PDGFD: variants seen among roughly 807,000 people sequenced by gnomAD.
PDGFD encodes the protein platelet-derived growth factor D.
A neutral mutation model predicts 44.7 loss-of-function variants in PDGFD; 30 were observed. The ratio of observed to expected loss-of-function variants is 0.67; its 90% CI spans 0.50 to 0.91. The LOEUF is 0.91. Among genes scored for constraint, PDGFD ranks in the 40% least tolerant of loss-of-function variants. The pLI is 0.00. For synonymous variants in PDGFD, 173 were observed against 168.4 expected (o/e 1.03, Z -0.21); for missense variants, 445 against 457.8 (o/e 0.97, Z 0.25).
intron 1 of PDGFD, among the ~76,000 whole-genome samples, chr11:104,082,123 C>CATATATATATATATATAT (rs1565329369): frequency 3.1e-5 from 2 of 65,556 alleles, no homozygotes; most frequent in East Asian, 1.2e-3. Flanking sequence ...TGTTGATGTC[C>CATATATATATATATATAT]ATATACATAC....
intron 1 of PDGFD, among the ~76,000 whole-genome samples, chr11:104,033,532 T>C (rs1469229842): frequency 6.6e-6 from 1 of 152,192 alleles, no homozygotes; most frequent in Non-Finnish European, 1.5e-5. Context: ...TTTAAATATG[T>C]TCAGTATGAA....
chr11:104,155,253 A>G (rs574970602), intron 1 of PDGFD, among the ~76,000 whole-genome samples: 1 of 152,352 alleles, frequency 6.6e-6, no homozygotes, highest in East Asian at 1.9e-4. Context: ...AACCTGGTAA[A>G]CCTATCAGAC....
At chr11:104,073,219 C>G (rs1212264791) in intron 1 of PDGFD, among the ~76,000 whole-genome samples, 2 of 152,028 alleles carry the variant, frequency 1.3e-5, no homozygotes, top group African/African-American at 2.4e-5. Flanking sequence ...TTTTCTAGAC[C>G]TATCCTGAGT....
intron 1 of PDGFD, among the ~76,000 whole-genome samples, chr11:104,101,686 G>T (rs1423618933): frequency 1.3e-5 from 2 of 152,016 alleles, no homozygotes; most frequent in Admixed American, 6.6e-5. Flanking sequence ...ATACTACAAG[G>T]CTACAGTAAC....
At chr11:103,928,098 A>G (rs1435917242) in intron 5 of PDGFD, among the ~76,000 whole-genome samples, 4 of 152,382 alleles carry the variant, frequency 2.6e-5, no homozygotes, top group Middle Eastern at 6.8e-3. Flanking sequence ...AAAGCACCAC[A>G]ATATTTTCAA....
chr11:104,114,891 G>A (rs1460171910), intron 1 of PDGFD, among the ~76,000 whole-genome samples: 1 of 145,538 alleles, frequency 6.9e-6, no homozygotes, highest in South Asian at 2.2e-4. Context: ...TTTTTTTTTT[G>A]TTTTTTCAAA....
At chr11:104,154,195 C>T (rs541397028) in intron 1 of PDGFD, among the ~76,000 whole-genome samples, 6 of 152,274 alleles carry the variant, frequency 3.9e-5, no homozygotes, top group African/African-American at 1.4e-4. Flanking sequence ...ACACCATCCC[C>T]CATTACATTC....
intron 3 of PDGFD, among the ~76,000 whole-genome samples, chr11:103,991,870 C>T (rs1246980960): frequency 6.6e-6 from 1 of 152,142 alleles, no homozygotes; most frequent in Non-Finnish European, 1.5e-5. Context: ...TGAAACTGAG[C>T]CATTAGTCAG....
chr11:103,989,451 A>C (rs1327712331), intron 3 of PDGFD, among the ~76,000 whole-genome samples: 1 of 152,166 alleles, frequency 6.6e-6, no homozygotes, highest in East Asian at 1.9e-4. Context: ...TGGTACATAC[A>C]TTTGTCCCTC....
At chr11:104,116,958 T>C (rs1861650318) in intron 1 of PDGFD, among the ~76,000 whole-genome samples, 1 of 152,004 alleles carries the variant, frequency 6.6e-6, no homozygotes. Context: ...TAAGTTCAAT[T>C]AAACCTCTTT....
At chr11:104,047,969 T>A (rs1860470347) in intron 1 of PDGFD, among the ~76,000 whole-genome samples, 1 of 152,146 alleles carries the variant, frequency 6.6e-6, no homozygotes, top group African/African-American at 2.4e-5. Flanking sequence ...TCTTTGATAG[T>A]GATGAAAAAG....
At chr11:103,964,186 T>A (rs1858980000) in intron 3 of PDGFD, among the ~76,000 whole-genome samples, 1 of 152,186 alleles carries the variant, frequency 6.6e-6, no homozygotes, top group Non-Finnish European at 1.5e-5. Flanking sequence ...ATATTGTATG[T>A]ACTATCATTG....
chr11:104,124,284 C>A (rs1302172471), intron 1 of PDGFD, among the ~76,000 whole-genome samples: 1 of 151,952 alleles, frequency 6.6e-6, no homozygotes, highest in African/African-American at 2.4e-5. Context: ...AAAGTCAGAG[C>A]AATTCGTGGG....
At chr11:104,021,195 A>G (rs1274723837) in intron 1 of PDGFD, among the ~76,000 whole-genome samples, 1 of 152,140 alleles carries the variant, frequency 6.6e-6, no homozygotes, top group East Asian at 1.9e-4. Context: ...GAATGGATTG[A>G]TTATCTTCAG....
intron 1 of PDGFD, among the ~76,000 whole-genome samples, chr11:104,143,804 A>C (rs1390729341): frequency 6.6e-6 from 1 of 152,220 alleles, no homozygotes; most frequent in Non-Finnish European, 1.5e-5. Context: ...AAAACCAGGA[A>C]AGGATTTACA....
intron 1 of PDGFD, among the ~76,000 whole-genome samples, chr11:104,006,469 G>T (rs1390367608): frequency 6.6e-6 from 1 of 152,188 alleles, no homozygotes; most frequent in Non-Finnish European, 1.5e-5. Context: ...GAAATACTGG[G>T]TAGAAGAGGG....
intron 3 of PDGFD, among the ~76,000 whole-genome samples, chr11:103,976,805 C>T (rs1859191785): frequency 6.6e-6 from 1 of 152,044 alleles, no homozygotes; most frequent in Non-Finnish European, 1.5e-5. Context: ...TTGAGAAAAT[C>T]ATGTGGTTTT....
chr11:103,991,409 G>A (rs1859450680), intron 3 of PDGFD, among the ~76,000 whole-genome samples: 1 of 151,464 alleles, frequency 6.6e-6, no homozygotes, highest in African/African-American at 2.4e-5. Context: ...CTTCATTTGA[G>A]TTTTATTCCC....
rs970600789 is a variant in PDGFD at position 104,020,184 on chromosome 11, G to T, written c.125-19929C>A. On this transcript the variant is annotated intron_variant, in intron 1 of 6. Transcript: ENST00000393158. ...AGCAACATATGTAATAAAATGTAGA[G>T]ATGGAGACATATACTTAATGCTGTA... Among the ~76,000 whole-genome samples, 23 of 152,250 alleles carry T rather than the reference G, an allele frequency of 1.5e-4. No individual in the cohort carries two copies. The East Asian group carries it at 1.7e-3, about 11-fold the overall frequency.
Sources: allele counts gnomAD v4.1 joint callset (sites outside exome capture counted in the v4.1 genomes callset), GRCh38; gene constraint gnomAD v4.1.1; transcripts MANE v1.5; gene names NCBI Gene and HGNC (gene_info 2026-07-23, HGNC 2026-07-21).